DPPA3: variants seen among roughly 807,000 people sequenced by gnomAD.
The protein encoded by DPPA3 is developmental pluripotency-associated protein 3.
Under a neutral mutation model 15.6 loss-of-function variants are expected in DPPA3, and 9 were observed. The observed-to-expected ratio is 0.58, with a 90% CI of 0.35 to 1.01. DPPA3 has a LOEUF of 1.01. Among genes scored for constraint, DPPA3 ranks in the 50% least tolerant of loss-of-function variants. DPPA3 has a pLI of 0.02. For synonymous variants in DPPA3, 61 were observed against 70.9 expected (o/e 0.86, Z 0.70); for missense variants, 148 against 194.6 (o/e 0.76, Z 1.42).
In DPPA3 at chr12:7,715,373, G is replaced by A. The variant is rs753558650; in HGVS notation, c.273G>A (p.Val91=). ...SRRGVRTLLS[V]QREKMARLRY... ...GAGGAGTAAGAACATTGCTGTCTGT[G>A]CAGAGAGAAAAGATGGCAAGATTGA... The change falls in exon 2 of 4, where the codon GTG becomes GTA. Residue 91 remains valine (V), a synonymous_variant. Coordinates refer to ENST00000345088, the MANE Select transcript of DPPA3 (RefSeq NM_199286.4). The A allele has an allele frequency of 1.9e-6, 3 of 1,614,192 alleles. No homozygotes were observed. The Admixed American group carries it at 5.0e-5, about 27-fold the overall frequency.
intron 3 of DPPA3, 88 bp from the exon 4 acceptor site, chr12:7,716,879 C>T: frequency 3.9e-6 from 5 of 1,266,398 alleles, no homozygotes; most frequent in Non-Finnish European, 5.7e-6. Context: ...CCAACACTTA[C>T]CAAAATAAAC....
At chr12:7,712,451 T>C (rs1864355594) in intron 1 of DPPA3, among the ~76,000 whole-genome samples, 1 of 151,976 alleles carries the variant, frequency 6.6e-6, no homozygotes, top group Non-Finnish European at 1.5e-5. Flanking sequence ...CAACATTATT[T>C]TTATTTATAT....
Position 7,711,515 on chromosome 12 carries a change from A to T in DPPA3, c.-56A>T. On this transcript the variant is annotated 5_prime_UTR_variant, in exon 1 of 4. Coordinates refer to ENST00000345088, the MANE Select transcript of DPPA3 (RefSeq NM_199286.4). ...GGTAGCAATTTGAGGCTCTGTCATC[A>T]GTTTCTGCTACGTTTCAAAGATCCT... 6.6e-7 allele frequency: 1 copy of T among 1,521,794 alleles called. No homozygotes were observed. Among genetic ancestry groups the T allele is most frequent in the Non-Finnish European group, 8.9e-7 (1 of 1,123,120 alleles). The allele number at this position is 1,521,794 out of a possible 1,614,324, so 94.3% of individuals were successfully genotyped here.
At chr12:7,715,103 C>T (rs967208709) in intron 1 of DPPA3, 80 bp from the exon 2 acceptor site, 2 of 1,595,408 alleles carry the variant, frequency 1.3e-6, no homozygotes, top group African/African-American at 2.7e-5. Context: ...CGCCCTGTTC[C>T]CCTGCTTAAG....
chr12:7,716,131 A>G, intron 2 of DPPA3, 67 bp from the exon 3 acceptor site: 1 of 1,336,502 alleles, frequency 7.5e-7, no homozygotes, highest in Non-Finnish European at 1.0e-6. Flanking sequence ...TCTCCCTTAT[A>G]TAGATGTGTA....
In DPPA3 at chr12:7,716,326, A is replaced by G. The variant is rs374696025; in HGVS notation, c.369+87A>G. 2.4e-5 allele frequency: 26 copies of G among 1,078,036 alleles called. No individual in the cohort carries two copies. The African/African-American group carries it at 4.3e-4, about 18-fold the overall frequency. The allele number at this position is 1,078,036 out of a possible 1,614,324, so 66.8% of individuals were successfully genotyped here. ...TATCTGGTTTGTTTCCTTTTGCCGG[A>G]ATAGGGAATTAGGGAATTTGCTTGG... On this transcript the variant is annotated intron_variant, in intron 3 of 3. Coordinates refer to ENST00000345088, the MANE Select transcript of DPPA3 (RefSeq NM_199286.4).
chr12:7,717,145 C>G lies in DPPA3; in HGVS notation c.*68C>G. 1 of 895,290 alleles carries G rather than the reference C, an allele frequency of 1.1e-6. No homozygotes were observed. The highest frequency in any genetic ancestry group is 2.4e-5 in the East Asian group (1 of 41,340). 55.5% of individuals were successfully genotyped at this position (895,290 alleles called of 1,614,324 possible). On this transcript the variant is annotated 3_prime_UTR_variant, in exon 4 of 4. Coordinates refer to ENST00000345088, the MANE Select transcript of DPPA3 (RefSeq NM_199286.4). ...AGCAGGTTGAGAAAGCTACTCTATG[C>G]TAGTATAGACTATACACCAATAATT...
intron 1 of DPPA3, 114 bp from the exon 2 acceptor site, chr12:7,715,069 C>T: frequency 6.7e-7 from 1 of 1,493,144 alleles, no homozygotes; most frequent in South Asian, 1.2e-5. Context: ...TGTGACCTTC[C>T]ACCCTGAGGA....
Position 7,717,063 on chromosome 12 carries a change from C to G in DPPA3, c.466C>G (p.Pro156Ala). 6.2e-7 allele frequency: 1 copy of G among 1,611,876 alleles called. No individual in the cohort carries two copies. Among genetic ancestry groups the G allele is most frequent in the Non-Finnish European group, 8.5e-7 (1 of 1,178,908 alleles). The change falls in exon 4 of 4, where the codon CCA becomes GCA. Residue 156 changes from proline (P) to alanine (A), a missense_variant. Transcript: ENST00000345088. ...NARIGNQDTK[P>A]LQP ...TAGAATAGGGAATCAAGACACCAAG[C>G]CACTTCAGCCATAAATCTTATTCTT...
chr12:7,714,796 T>C (rs1336383905), intron 1 of DPPA3, among the ~76,000 whole-genome samples: 3 of 152,080 alleles, frequency 2.0e-5, no homozygotes, highest in Admixed American at 2.0e-4. Flanking sequence ...CACTGCAAGC[T>C]CCACCTCCTG....
intron 2 of DPPA3, among the ~76,000 whole-genome samples, chr12:7,715,729 G>A (rs7301214): frequency 0.81 from 123,622 of 151,976 alleles, 50,822 homozygotes; most frequent in South Asian, 0.89. Context: ...CCCTGGAGGC[G>A]GAGGTTGCAG....
intron 1 of DPPA3, among the ~76,000 whole-genome samples, chr12:7,713,974 C>CT (rs1157162833): frequency 6.6e-6 from 1 of 152,186 alleles, no homozygotes; most frequent in East Asian, 1.9e-4. Context: ...GATAGTGCCA[C>CT]TGCACTCCAG....
At chr12:7,715,051 T>C in intron 1 of DPPA3, 132 bp from the exon 2 acceptor site, 1 of 1,361,858 alleles carries the variant, frequency 7.3e-7, no homozygotes, top group Non-Finnish European at 1.0e-6. Flanking sequence ...AGGTTGTGCG[T>C]TGTTTACTGT....
intron 2 of DPPA3, 33 bp downstream of exon 2, chr12:7,715,460 A>G (rs1460878992): frequency 6.8e-6 from 11 of 1,613,258 alleles, no homozygotes; most frequent in South Asian, 1.1e-5. Context: ...GGGCTGTCCA[A>G]TTCCGGAGAG....
Position 7,715,258 on chromosome 12 carries a change from T to A in DPPA3, c.158T>A (p.Val53Asp). 1 of 1,613,858 alleles carries A rather than the reference T, an allele frequency of 6.2e-7. No homozygotes were observed. Among genetic ancestry groups the A allele is most frequent in the Non-Finnish European group, 8.5e-7 (1 of 1,179,844 alleles). The change falls in exon 2 of 4, where the codon GTT becomes GAT. Residue 53 changes from valine (V) to aspartate (D), a missense_variant. Physicochemically the swap from Val to Asp is radical, Grantham distance 152. Coordinates refer to ENST00000345088, the MANE Select transcript of DPPA3 (RefSeq NM_199286.4). ...ACTATCAACGCTAGTAGCGAATCTG[T>A]TTCCCCTCTATCGGAAGCTTTACTC... The part of the protein sequence containing the change: ...NLTINASSES[V>D]SPLSEALLRR...
chr12:7,716,208 GACCA>G lies in DPPA3; in HGVS notation c.341_344del (p.Pro114GlnfsTer35). ...TTTTTTCCCATGAAGCATGAAAGAA[GACCA>G]ACAAACAAGGAGCCTAAGGGAGTTA... On this transcript the variant is annotated frameshift_variant, in exon 3 of 4. Coordinates refer to ENST00000345088, the MANE Select transcript of DPPA3 (RefSeq NM_199286.4). LOFTEE classifies it low-confidence loss of function (END_TRUNC). The G allele has an allele frequency of 6.2e-7, 1 of 1,605,062 alleles. No homozygotes were observed. Among genetic ancestry groups the G allele is most frequent in the South Asian group, 1.1e-5 (1 of 89,958 alleles).
At position 7,716,883 on chromosome 12, in the gene DPPA3, A is replaced by C. The variant is rs1224288331; in HGVS notation, c.370-84A>C. ...TGTTCCCTGTTCCAACACTTACCAA[A>C]ATAAACAACATTATAGTTGAGGGCT... On this transcript the variant is annotated intron_variant, in intron 3 of 3. Transcript: ENST00000345088. The C allele has an allele frequency of 3.8e-6, 5 of 1,303,500 alleles. No homozygotes were observed. In the African/African-American group the frequency reaches 7.3e-5, roughly 19 times the overall value. The allele number at this position is 1,303,500 out of a possible 1,614,324, so 80.7% of individuals were successfully genotyped here.
chr12:7,716,913 A>C (rs1328859607), intron 3 of DPPA3, 54 bp from the exon 4 acceptor site: 9 of 1,457,948 alleles, frequency 6.2e-6, no homozygotes, highest in Non-Finnish European at 8.7e-6. Flanking sequence ...AGGGCTTATT[A>C]CATTTCTCTG....
At position 7,711,487 on chromosome 12, in the gene DPPA3, C is replaced by T. The variant is rs1009023134; in HGVS notation, c.-84C>T. ...CGGTTTTCAGCCTCTTTCCGGGCTA[C>T]CTGGTAGCAATTTGAGGCTCTGTCA... On this transcript the variant is annotated 5_prime_UTR_variant, in exon 1 of 4. Coordinates refer to ENST00000345088, the MANE Select transcript of DPPA3 (RefSeq NM_199286.4). 6.8e-6 allele frequency: 9 copies of T among 1,326,940 alleles called. No individual in the cohort carries two copies. In the African/African-American group the frequency reaches 1.4e-4, roughly 20 times the overall value. The allele number at this position is 1,326,940 out of a possible 1,614,324, so 82.2% of individuals were successfully genotyped here. A position where few individuals can be genotyped will look rare whatever the true frequency, so the allele number is the denominator to read the frequency against.
Sources: allele counts gnomAD v4.1 joint callset (sites outside exome capture counted in the v4.1 genomes callset), GRCh38; gene constraint gnomAD v4.1.1; transcripts MANE v1.5; gene names NCBI Gene and HGNC (gene_info 2026-07-23, HGNC 2026-07-21).